The following EBF2 variants were observed in gnomAD, a reference collection of about 807,000 sequenced individuals.
The protein encoded by EBF2 is transcription factor COE2.
In EBF2, 21 loss-of-function variants were observed where a neutral mutation model predicts 72.8. The observed-to-expected ratio is 0.29, with a 90% CI of 0.20 to 0.42. EBF2 has a LOEUF of 0.42. Ranked by LOEUF, EBF2 falls within the 10% of genes least tolerant of loss-of-function variation. The pLI is 1.00. For synonymous variants in EBF2, 299 were observed against 274.2 expected, an observed-to-expected ratio of 1.09 and a Z score of -0.89; for missense variants, 637 against 731.2, an observed-to-expected ratio of 0.87 and a Z score of 1.49.
intron 10 of EBF2, among the ~76,000 whole-genome samples, chr8:25,873,005 A>G (rs1267295533): frequency 6.6e-6 from 1 of 152,164 alleles, no homozygotes; most frequent in Non-Finnish European, 1.5e-5. Flanking sequence ...TCTGTCTTCC[A>G]TGTGCTAGGA....
intron 14 of EBF2, among the ~76,000 whole-genome samples, chr8:25,854,304 G>A (rs988958214): frequency 6.6e-5 from 10 of 150,516 alleles, no homozygotes; most frequent in African/African-American, 2.2e-4. Context: ...GGTGATTGTA[G>A]TCAACTTTTG....
chr8:25,976,410 AC>A (rs1804268693), intron 6 of EBF2, among the ~76,000 whole-genome samples: 1 of 152,222 alleles, frequency 6.6e-6, no homozygotes, highest in African/African-American at 2.4e-5. Context: ...AACCCAAACT[AC>A]CATTCACCGT....
chr8:25,885,624 G>C (rs1585275732), intron 10 of EBF2, among the ~76,000 whole-genome samples: 1 of 152,104 alleles, frequency 6.6e-6, no homozygotes, highest in African/African-American at 2.4e-5. Flanking sequence ...TGAATCATGA[G>C]GGCAGTTTCT....
chr8:25,901,115 T>C (rs1802944637), intron 7 of EBF2, among the ~76,000 whole-genome samples: 1 of 152,124 alleles, frequency 6.6e-6, no homozygotes, highest in African/African-American at 2.4e-5. Context: ...GCAAACATTA[T>C]ATATCAATAA....
At chr8:25,845,064 C>G (rs905714109) in intron 15 of EBF2, among the ~76,000 whole-genome samples, 1 of 152,150 alleles carries the variant, frequency 6.6e-6, no homozygotes, top group Non-Finnish European at 1.5e-5. Flanking sequence ...TGTTGATTTA[C>G]TAGGGCATCG....
At chr8:25,890,210 G>C (rs1214272562) in intron 7 of EBF2, among the ~76,000 whole-genome samples, 1 of 152,110 alleles carries the variant, frequency 6.6e-6, no homozygotes. Context: ...ACAGAAAGCT[G>C]GTGTGCCATG....
chr8:25,848,729 T>C (rs1047030488), intron 15 of EBF2, among the ~76,000 whole-genome samples: 2 of 152,250 alleles, frequency 1.3e-5, no homozygotes, highest in Non-Finnish European at 2.9e-5. Context: ...TGGCCAGGAA[T>C]GAGGAAAGGG....
At chr8:25,845,117 G>A (rs1320256068) in intron 15 of EBF2, among the ~76,000 whole-genome samples, 1 of 151,976 alleles carries the variant, frequency 6.6e-6, no homozygotes, top group Non-Finnish European at 1.5e-5. Context: ...CACTTCTTTG[G>A]TGAGTGCATT....
intron 10 of EBF2, among the ~76,000 whole-genome samples, chr8:25,880,270 A>G (rs1802585465): frequency 6.6e-6 from 1 of 152,156 alleles, no homozygotes; most frequent in African/African-American, 2.4e-5. Flanking sequence ...CTTTTACGTA[A>G]TCACATCTTT....
At chr8:25,849,462 C>T (rs1044427166) in intron 15 of EBF2, among the ~76,000 whole-genome samples, 1 of 152,182 alleles carries the variant, frequency 6.6e-6, no homozygotes, top group Non-Finnish European at 1.5e-5. Flanking sequence ...TCCAAGGTTC[C>T]CCATCAAGCA....
At chr8:25,851,580 T>C (rs1030418796) in intron 14 of EBF2, among the ~76,000 whole-genome samples, 1 of 151,728 alleles carries the variant, frequency 6.6e-6, no homozygotes, top group African/African-American at 2.4e-5. Context: ...TATGTTCAAC[T>C]TAAGAAAGGA....
rs147928659 is a variant in EBF2 at position 25,856,147 on chromosome 8, C to G, written c.1528+2172G>C. Among the ~76,000 whole-genome samples, 460 of 152,190 alleles carry G rather than the reference C, an allele frequency of 3.0e-3. 3 individuals carry two copies. Among genetic ancestry groups the G allele is most frequent in the African/African-American group, 1.0e-2 (415 of 41,524 alleles). On this transcript the variant is annotated intron_variant, in intron 14 of 15. Coordinates refer to ENST00000520164, the MANE Select transcript of EBF2 (RefSeq NM_022659.4). ...CACCTAACTGTGCATTTTCATTCAT[C>G]TTTTTTTCCTCTCCTTTCTTCTCCA...
At chr8:26,000,031 TC>T (rs1263689391) in intron 6 of EBF2, among the ~76,000 whole-genome samples, 6 of 152,098 alleles carry the variant, frequency 3.9e-5, no homozygotes, top group Non-Finnish European at 8.8e-5. Flanking sequence ...AGCCAGAAAC[TC>T]ATAACAGCGG....
chr8:25,890,890 A>G lies in EBF2; in HGVS notation c.634-1021T>C, dbSNP rs1197772689. On this transcript the variant is annotated intron_variant, in intron 7 of 15. Coordinates refer to ENST00000520164, the MANE Select transcript of EBF2 (RefSeq NM_022659.4). ...TTGGATAAGGAATACTCAACCTGTA[A>G]TACATATAAAGGATTCAGCACAGTG... 3.9e-5 allele frequency among the ~76,000 whole-genome samples: 6 copies of G among 152,236 alleles called. No homozygotes were observed. The East Asian group carries it at 1.2e-3, about 29-fold the overall frequency.
intron 2 of EBF2, among the ~76,000 whole-genome samples, chr8:26,041,847 A>G (rs1273188648): frequency 1.3e-5 from 2 of 152,110 alleles, no homozygotes; most frequent in Admixed American, 1.3e-4. Context: ...GTCCATAACC[A>G]GGCGCTACTA....
At chr8:25,853,579 C>CA (rs1403975834) in intron 14 of EBF2, among the ~76,000 whole-genome samples, 1 of 152,004 alleles carries the variant, frequency 6.6e-6, no homozygotes, top group African/African-American at 2.4e-5. Flanking sequence ...GGGTCTTTGG[C>CA]AATATATATA....
chr8:25,932,850 G>T (rs1803507764), intron 6 of EBF2, among the ~76,000 whole-genome samples: 1 of 151,876 alleles, frequency 6.6e-6, no homozygotes, highest in African/African-American at 2.4e-5. Flanking sequence ...GATAATAAAA[G>T]CTGAACTTAA....
intron 14 of EBF2, among the ~76,000 whole-genome samples, chr8:25,855,532 C>T (rs1802071664): frequency 6.6e-6 from 1 of 152,140 alleles, no homozygotes; most frequent in African/African-American, 2.4e-5. Flanking sequence ...TACTTAGTGT[C>T]TCTGGCAAGT....
At chr8:25,952,885 G>T (rs1032084637) in intron 6 of EBF2, among the ~76,000 whole-genome samples, 1 of 151,924 alleles carries the variant, frequency 6.6e-6, no homozygotes, top group Non-Finnish European at 1.5e-5. Context: ...TATAAGTATT[G>T]GGGGTTCTTT....
Sources: allele counts gnomAD v4.1 joint callset (sites outside exome capture counted in the v4.1 genomes callset), GRCh38; gene constraint gnomAD v4.1.1; transcripts MANE v1.5; gene names NCBI Gene and HGNC (gene_info 2026-07-23, HGNC 2026-07-21).